The following PSD3 variants were observed in gnomAD, a reference collection of about 807,000 sequenced individuals.
PSD3 encodes the protein pleckstrin and Sec7 domain containing 3.
Under a neutral mutation model 105.5 loss-of-function variants are expected in PSD3, and 49 were observed. The observed-to-expected ratio is 0.46, with a 90% CI of 0.37 to 0.59. PSD3 has a LOEUF of 0.59. PSD3 is among the 20% of genes least tolerant of loss of function. PSD3 has a pLI of 0.00. For missense variants in PSD3, 1,561 were observed against 1,263.8 expected (o/e 1.24, Z -3.57); for synonymous variants, 557 against 457.8 (o/e 1.22, Z -2.77).
At position 18,572,631 on chromosome 8, in the gene PSD3, C is replaced by A. The variant is rs1802214095; in HGVS notation, c.2681G>T (p.Cys894Phe). The A allele has an allele frequency of 3.7e-6, 6 of 1,614,028 alleles. No individual in the cohort carries two copies. The highest frequency in any genetic ancestry group is 1.3e-5 in the African/African-American group (1 of 75,030). ...TGGTGCAGAAAATACAGCTGCCACA[C>A]AATTGATTTTGTTTATCCACCCTTG... is the stretch of plus-strand genomic sequence containing the variant. Reference protein sequence around the residue: ...EMQGWINKINCVAAVFSAPPF... With the variant: ...EMQGWINKINFVAAVFSAPPF... Residue 894 changes from cysteine (C) to phenylalanine (F), a missense_variant, in exon 14 of 16, where the codon TGT (cysteine) becomes TTT (phenylalanine). Coordinates refer to ENST00000327040, the MANE Select transcript of PSD3 (RefSeq NM_015310.4).
intron 1 of PSD3, among the ~76,000 whole-genome samples, chr8:18,984,274 T>C (rs1402907499): frequency 1.3e-5 from 2 of 151,696 alleles, no homozygotes; most frequent in African/African-American, 4.8e-5. Context: ...TAGAGCTGAC[T>C]CTCTAGTTGT....
intron 6 of PSD3, among the ~76,000 whole-genome samples, chr8:18,802,682 C>G (rs1810805702): frequency 6.6e-6 from 1 of 152,142 alleles, no homozygotes; most frequent in Non-Finnish European, 1.5e-5. Context: ...CTCCCTTCAC[C>G]TCCCAGACCT....
At chr8:18,753,742 T>C (rs1257049974) in intron 9 of PSD3, among the ~76,000 whole-genome samples, 2 of 152,164 alleles carry the variant, frequency 1.3e-5, no homozygotes, top group African/African-American at 4.8e-5. Context: ...TAAGATAGTT[T>C]TACTGGCAAT....
rs114847156 is a variant in PSD3, at chr8:18,860,608, G to T, written c.1634+7066C>A. 2.2e-3 allele frequency among the ~76,000 whole-genome samples: 340 copies of T among 152,174 alleles called. 3 individuals are homozygous for T. The highest frequency in any genetic ancestry group is 7.6e-3 in the African/African-American group (314 of 41,508). On this transcript the variant is annotated intron_variant, in intron 4 of 15. Transcript: ENST00000327040. ...GTAAACAAGACCCTTTTGAGTTCAG[G>T]CAAATTTGTATTCCTGTGTAAAACA...
intron 1 of PSD3, among the ~76,000 whole-genome samples, chr8:19,026,934 G>A (rs199854596): frequency 8.0e-6 from 1 of 124,528 alleles, no homozygotes; most frequent in Non-Finnish European, 2.0e-5. Context: ...GAATGAATGA[G>A]TGAGTGAAAG....
At chr8:18,818,013 G>A (rs1204611379) in intron 4 of PSD3, among the ~76,000 whole-genome samples, 2 of 152,218 alleles carry the variant, frequency 1.3e-5, no homozygotes, top group African/African-American at 4.8e-5. Context: ...GAGTGCAGTG[G>A]CGCGATCTCG....
chr8:18,851,458 C>T (rs1815554083), intron 4 of PSD3, among the ~76,000 whole-genome samples: 1 of 152,242 alleles, frequency 6.6e-6, no homozygotes, highest in Non-Finnish European at 1.5e-5. Flanking sequence ...CAGGCTCTGT[C>T]TCCTCAGGAC....
chr8:19,059,127 A>G (rs966959861), intron 1 of PSD3, among the ~76,000 whole-genome samples: 32 of 152,212 alleles, frequency 2.1e-4, no homozygotes, highest in African/African-American at 7.5e-4. Flanking sequence ...CCACTTTAGC[A>G]GAGACATGAA....
At chr8:19,019,950 C>T (rs1174247842) in intron 1 of PSD3, among the ~76,000 whole-genome samples, 1 of 152,064 alleles carries the variant, frequency 6.6e-6, no homozygotes, top group East Asian at 1.9e-4. Flanking sequence ...AATGTTAGAC[C>T]AGAGGGTGGT....
intron 1 of PSD3, among the ~76,000 whole-genome samples, chr8:18,969,632 A>C (rs1226110005): frequency 6.6e-6 from 1 of 152,244 alleles, no homozygotes; most frequent in Admixed American, 6.5e-5. Context: ...TTGAATGTTC[A>C]TCTTTAGGTA....
At chr8:18,801,420 G>T in intron 6 of PSD3, 38 bp from the exon 7 acceptor site, 2 of 1,169,736 alleles carry the variant, frequency 1.7e-6, no homozygotes, top group Non-Finnish European at 2.5e-6. Context: ...TGAAATTTTC[G>T]AAAATGCTAT....
intron 2 of PSD3, among the ~76,000 whole-genome samples, chr8:18,921,346 T>C (rs577673633): frequency 6.6e-6 from 1 of 152,360 alleles, no homozygotes; most frequent in East Asian, 1.9e-4. Flanking sequence ...ACACAATGGT[T>C]CTCGAGCCTG....
chr8:18,866,351 C>T (rs1238966997), intron 4 of PSD3, among the ~76,000 whole-genome samples: 1 of 152,190 alleles, frequency 6.6e-6, no homozygotes, highest in African/African-American at 2.4e-5. Context: ...TGTGGACTAA[C>T]CAGGCAACCA....
At chr8:18,640,287 C>G (rs761210605) in intron 10 of PSD3, among the ~76,000 whole-genome samples, 15 of 152,118 alleles carry the variant, frequency 9.9e-5, no homozygotes, top group Non-Finnish European at 2.1e-4. Context: ...AGATATGGAG[C>G]AGGTACCCCA....
At chr8:18,536,611 A>C (rs1217531542) in intron 15 of PSD3, among the ~76,000 whole-genome samples, 5 of 152,192 alleles carry the variant, frequency 3.3e-5, no homozygotes, top group African/African-American at 1.2e-4. Context: ...GCAGAATTTC[A>C]AGTTATTTTC....
chr8:18,793,268 A>C (rs1379694331), intron 8 of PSD3, among the ~76,000 whole-genome samples: 1 of 152,016 alleles, frequency 6.6e-6, no homozygotes, highest in Non-Finnish European at 1.5e-5. Context: ...ACACACATAC[A>C]TATGTAACAA....
chr8:18,872,514 G>A lies in PSD3; in HGVS notation c.350C>T (p.Ala117Val), dbSNP rs1043087651. Residue 117 changes from alanine to valine, a missense_variant, in exon 3 of 16, where the codon GCC becomes GTC. Ala to Val is a moderately conservative substitution (Grantham distance 64). Coordinates refer to ENST00000327040, the MANE Select transcript of PSD3 (RefSeq NM_015310.4). The part of the protein sequence containing the change: ...VTEGPKDVRE[A>V]PSQSHLKEQS... The stretch of plus-strand genomic sequence containing the variant: ...TTCCTTGAGATGACTTTGAGAGGGG[G>A]CCTCTCTGACATCTTTTGGTCCTTC... 4.3e-6 allele frequency: 7 copies of A among 1,613,980 alleles called. No individual in the cohort carries two copies. The highest frequency in any genetic ancestry group is 5.9e-6 in the Non-Finnish European group (7 of 1,180,012).
At chr8:18,676,845 C>T (rs1338115245) in intron 9 of PSD3, among the ~76,000 whole-genome samples, 1 of 152,220 alleles carries the variant, frequency 6.6e-6, no homozygotes. Flanking sequence ...TCCACTGTCT[C>T]CCTTGTGCTT....
chr8:18,590,166 T>A, intron 12 of PSD3, among the ~76,000 whole-genome samples: 1 of 152,136 alleles, frequency 6.6e-6, no homozygotes, highest in East Asian at 1.9e-4. Context: ...ATTCTTTCAA[T>A]CTCATATATG....
Sources: gnomAD v4.1 joint callset for allele counts (sites outside exome capture counted in the v4.1 genomes callset) on GRCh38, gnomAD v4.1.1 for gene constraint, MANE v1.5 for transcripts, NCBI Gene and HGNC (gene_info 2026-07-23, HGNC 2026-07-21) for gene names.